The following PRDM15 variants were observed in gnomAD, a reference collection of about 807,000 sequenced individuals.
PRDM15 encodes PR/SET domain 15.
PRDM15 carries 64 observed loss-of-function variants against 128.6 expected under a neutral mutation model. The observed-to-expected ratio is 0.50, with a 90% CI of 0.41 to 0.61. PRDM15 has a LOEUF of 0.61. Ranked by LOEUF, PRDM15 falls within the 20% of genes least tolerant of loss-of-function variation. The pLI, the probability that PRDM15 is intolerant of heterozygous loss-of-function variation, is 0.00. For missense variants in PRDM15, 1,242 were observed against 1,569.1 expected (o/e 0.79, Z 3.52); for synonymous variants, 615 against 621.8 (o/e 0.99, Z 0.16).
intron 4 of PRDM15, among the ~76,000 whole-genome samples, chr21:41,856,333 T>C (rs2063634202): frequency 6.9e-6 from 1 of 145,854 alleles, no homozygotes; most frequent in Non-Finnish European, 1.5e-5. Context: ...CAAGTGCCTT[T>C]CCTTCTTCCC....
At chr21:41,803,924 T>C (rs1020486883) in intron 22 of PRDM15, among the ~76,000 whole-genome samples, 5 of 152,094 alleles carry the variant, frequency 3.3e-5, no homozygotes, top group Non-Finnish European at 7.4e-5. Context: ...TTGGTATGTT[T>C]AAACTTATTT....
rs919079684 is a variant in PRDM15, at chr21:41,800,551, A to G, written c.*689T>C. 1 of 152,164 alleles carries G rather than the reference A, an allele frequency of 6.6e-6. No homozygotes were observed. The highest frequency in any genetic ancestry group is 2.1e-4 in the South Asian group (1 of 4,824). The allele number at this position is 152,164 out of a possible 1,614,324, so 9.4% of individuals were successfully genotyped here. A position where few individuals can be genotyped will look rare whatever the true frequency, so the allele number is the denominator to read the frequency against. The stretch of plus-strand genomic sequence containing the variant: ...CTCTATTGGAAATCGATTCATGGAT[A>G]TTACTAAGATGCGTTTTGAGCTGGA... On this transcript the variant is annotated 3_prime_UTR_variant, in exon 24 of 24. Transcript: ENST00000398548.
chr21:41,833,617 C>T (rs2062769829), intron 11 of PRDM15, among the ~76,000 whole-genome samples: 1 of 152,198 alleles, frequency 6.6e-6, no homozygotes, highest in South Asian at 2.1e-4. Flanking sequence ...AGGTTTTTAT[C>T]CTTTCTGTTC....
At position 41,810,440 on chromosome 21, in the gene PRDM15, A is replaced by C. The variant is rs1355906865; in HGVS notation, c.2477-111T>G. The C allele has an allele frequency of 7.9e-7, 1 of 1,264,236 alleles. No individual in the cohort carries two copies. Among genetic ancestry groups the C allele is most frequent in the Non-Finnish European group, 1.1e-6 (1 of 915,092 alleles). The allele number at this position is 1,264,236 out of a possible 1,614,324, so 78.3% of individuals were successfully genotyped here. A position where few individuals can be genotyped will look rare whatever the true frequency, so the allele number is the denominator to read the frequency against. ...TGCTGGACGAGGCAAGAAGCCTGTC[A>C]CGCCCCGCCCATCCTGAGAGGGCCG... On this transcript the variant is annotated intron_variant, in intron 20 of 23. Coordinates refer to ENST00000398548, the MANE Select transcript of PRDM15 (RefSeq NM_001040424.3). This position sits in a 1 kb window ranked among gnomAD's most constrained non-coding sequence, Gnocchi z 6.4.
intron 21 of PRDM15, among the ~76,000 whole-genome samples, chr21:41,806,235 T>C (rs866882456): frequency 2.5e-3 from 2 of 810 alleles, no homozygotes; most frequent in Admixed American, 0.01. Flanking sequence ...CCACCATCAC[T>C]ACCACCATCA....
At chr21:41,874,523 A>ATTTTT (rs879505958) in intron 1 of PRDM15, among the ~76,000 whole-genome samples, 5,458 of 78,160 alleles carry the variant, frequency 0.07, 236 homozygotes, top group Middle Eastern at 0.14. Flanking sequence ...ATATATATAT[A>ATTTTT]TATTTTTTTT....
In PRDM15 at chr21:41,862,580, T is replaced by G. The variant is rs1180982519; in HGVS notation, c.-9-2208A>C. On this transcript the variant is annotated intron_variant, in intron 1 of 23. Coordinates refer to ENST00000398548, the MANE Select transcript of PRDM15 (RefSeq NM_001040424.3). The surrounding 1 kb of genome is among the most constrained non-coding windows in gnomAD (Gnocchi z 4.1). ...CTCTGATTCTATGTAAATGTCCGAG[T>G]CCTGGCAATAAGGGTCCCGATTAGC... Among the ~76,000 whole-genome samples the G allele has an allele frequency of 6.6e-6, 1 of 152,118 alleles. No individual in the cohort carries two copies. Among genetic ancestry groups the G allele is most frequent in the Non-Finnish European group, 1.5e-5 (1 of 68,028 alleles).
chr21:41,830,255 A>C (rs1372444218), intron 11 of PRDM15, among the ~76,000 whole-genome samples: 19 of 149,810 alleles, frequency 1.3e-4, no homozygotes, highest in East Asian at 9.9e-4. Flanking sequence ...CCACACACAC[A>C]CCCCCCACAC....
intron 22 of PRDM15, 114 bp downstream of exon 22, chr21:41,804,420 C>T: frequency 1.3e-6 from 1 of 773,316 alleles, no homozygotes; most frequent in Non-Finnish European, 2.1e-6. Flanking sequence ...GGTAACCTGG[C>T]CACAGGCTTG....
At chr21:41,827,740 G>A (rs1568935531) in intron 12 of PRDM15, among the ~76,000 whole-genome samples, 1 of 152,134 alleles carries the variant, frequency 6.6e-6, no homozygotes, top group African/African-American at 2.4e-5. Flanking sequence ...AAATTTTAAT[G>A]AAAAGGTGTA....
rs771627852 is a variant in PRDM15 at position 41,821,177 on chromosome 21, C to T, written c.1950G>A (p.Lys650=). Reference sequence around the variant, plus strand: ...AGATGCTGCAGCCATAGCCCTTCTCCTTGTGCACCTCCATGATGTGCTTCA... The same window carrying T: ...AGATGCTGCAGCCATAGCCCTTCTCTTTGTGCACCTCCATGATGTGCTTCA... The part of the protein sequence containing the change: ...EYLKHIMEVH[K]EKGYGCSICN... The change falls in exon 16 of 24, where the codon AAG becomes AAA. Residue 650 remains lysine, a synonymous_variant. Transcript: ENST00000398548. The surrounding 1 kb of genome is among the most constrained non-coding windows in gnomAD (Gnocchi z 5.4). The T allele has an allele frequency of 6.2e-7, 1 of 1,614,236 alleles. No individual in the cohort carries two copies. Among genetic ancestry groups the T allele is most frequent in the Admixed American group, 1.7e-5 (1 of 60,032 alleles).
intron 11 of PRDM15, among the ~76,000 whole-genome samples, chr21:41,834,965 C>T (rs1257942170): frequency 4.6e-5 from 7 of 152,126 alleles, no homozygotes; most frequent in African/African-American, 1.2e-4. Context: ...AAAAAGAATG[C>T]GTGCAGGGGC....
chr21:41,866,946 C>T (rs146991967), intron 1 of PRDM15, among the ~76,000 whole-genome samples: 42 of 152,284 alleles, frequency 2.8e-4, no homozygotes, highest in African/African-American at 1.0e-3. Context: ...ACTCCCTTCT[C>T]AGTACAAACA....
rs770785016 is a variant in PRDM15, at chr21:41,826,028, G to C, written c.1561C>G (p.Leu521Val). 2 of 1,614,026 alleles carry C rather than the reference G, an allele frequency of 1.2e-6. No individual in the cohort carries two copies. Among genetic ancestry groups the C allele is most frequent in the African/African-American group, 2.7e-5 (2 of 74,912 alleles). Residue 521 changes from leucine (L) to valine (V), a missense_variant, in exon 13 of 24, where the codon CTG becomes GTG. Physicochemically the swap from Leu to Val is conservative, Grantham distance 32 (BLOSUM62 1). This residue lies in a region of PRDM15 where 612 missense variants were observed against 717.0 expected (regional missense o/e 0.85). Coordinates refer to ENST00000398548, the MANE Select transcript of PRDM15 (RefSeq NM_001040424.3). Reference sequence around the variant, plus strand: ...ACCAGGTTCTCCCCACCGGCCTCCAGGTCCTCTCGCTTCACTCGCCGCACT... The same window carrying C: ...ACCAGGTTCTCCCCACCGGCCTCCACGTCCTCTCGCTTCACTCGCCGCACT... ...EGVRRVKRED[L>V]EAGGENLVRY...
intron 21 of PRDM15, 44 bp from the exon 22 acceptor site, chr21:41,804,658 G>A (rs1341442491): frequency 3.4e-6 from 5 of 1,465,298 alleles, no homozygotes; most frequent in Non-Finnish European, 4.6e-6. Flanking sequence ...GGGTGCTGCT[G>A]ATGCAGGTGG....
intron 1 of PRDM15, chr21:41,871,611 CA>C: frequency 6.2e-7 from 1 of 1,609,584 alleles, no homozygotes; most frequent in Non-Finnish European, 8.5e-7. Context: ...CTCTGGTTCC[CA>C]ATCTGGGACC....
chr21:41,859,671 T>C lies in PRDM15; in HGVS notation c.52A>G (p.Ser18Gly). The C allele has an allele frequency of 6.2e-7, 1 of 1,613,880 alleles. No individual in the cohort carries two copies. Among genetic ancestry groups the C allele is most frequent in the Non-Finnish European group, 8.5e-7 (1 of 1,179,954 alleles). The change falls in exon 3 of 24, where the codon AGC becomes GGC. Residue 18 changes from serine to glycine, a missense_variant. Physicochemically the swap from Ser to Gly is moderately conservative, Grantham distance 56 (BLOSUM62 0). This residue lies in a region of PRDM15 where 612 missense variants were observed against 717.0 expected (regional missense o/e 0.85). Coordinates refer to ENST00000398548, the MANE Select transcript of PRDM15 (RefSeq NM_001040424.3). This position sits in a 1 kb window ranked among gnomAD's most constrained non-coding sequence, Gnocchi z 5.3. ...EIMFIWCEDC[S>G]QYHDSECPEL... ...GGACATTCGGAGTCGTGGTACTGGC[T>C]GCAGTCTTCACACCCTGCAAGCAGA...
At chr21:41,812,274 C>A (rs1452473999) in intron 19 of PRDM15, 1 of 152,226 alleles carries the variant, frequency 6.6e-6, no homozygotes. Context: ...CAGAAAAACA[C>A]AAATTGTAAG....
intron 6 of PRDM15, among the ~76,000 whole-genome samples, chr21:41,844,250 G>T (rs2063160878): frequency 6.6e-6 from 1 of 152,056 alleles, no homozygotes; most frequent in Admixed American, 6.5e-5. Context: ...GAACCCGTCT[G>T]TCATGTGGCT....
Sources: allele counts gnomAD v4.1 joint callset (sites outside exome capture counted in the v4.1 genomes callset), GRCh38; gene constraint gnomAD v4.1.1; regional missense constraint gnomAD v4.1.1; non-coding constraint Gnocchi (gnomAD v3.1); transcripts MANE v1.5; gene names NCBI Gene and HGNC (gene_info 2026-07-23, HGNC 2026-07-21).